Variants in NEBL observed in about 807,000 individuals in gnomAD.
NEBL encodes LIM and SH3 protein 2.
In NEBL, 122 loss-of-function variants were observed where a neutral mutation model predicts 140.2. The ratio of observed to expected loss-of-function variants is 0.87; its 90% confidence interval spans 0.75 to 1.01. The LOEUF (loss-of-function observed/expected upper bound fraction) is 1.01. Among genes scored for constraint, NEBL ranks in the 50% least tolerant of loss-of-function variants. The probability of loss-of-function intolerance (pLI) is 0.00; values close to 1 mark genes in which losing one functional copy is unlikely to be tolerated. For synonymous variants in NEBL, 436 were observed against 398.9 expected (o/e 1.09, Z -1.11); for missense variants, 1,365 against 1,231.3 (o/e 1.11, Z -1.62).
At chr10:20,942,484 C>A (rs1250816405) in intron 4 of NEBL, among the ~76,000 whole-genome samples, 1 of 152,148 alleles carries the variant, frequency 6.6e-6, no homozygotes, top group South Asian at 2.1e-4. Flanking sequence ...ACCATAAAAA[C>A]CCTAGAAGAA....
rs1031952552 is a variant in NEBL, at chr10:21,173,948, G to T, written c.-115C>A. Reference sequence around the variant, plus strand: ...GGCAGGCGGGAGGGCTGCGGGCGGCGGGCGCCGGGTAGGGAGTCGGCGCCG... The same window carrying T: ...GGCAGGCGGGAGGGCTGCGGGCGGCTGGCGCCGGGTAGGGAGTCGGCGCCG... On this transcript the variant is annotated 5_prime_UTR_variant, in exon 1 of 7. Coordinates refer to the NEBL transcript ENST00000417816. The surrounding 1 kb of genome is among the most constrained non-coding windows in gnomAD (Gnocchi z 5.7). 2.9e-6 allele frequency: 4 copies of T among 1,386,898 alleles called. No individual in the cohort carries two copies. Among genetic ancestry groups the T allele is most frequent in the Non-Finnish European group, 3.7e-6 (4 of 1,082,090 alleles). 85.9% of individuals were successfully genotyped at this position (1,386,898 alleles called of 1,614,324 possible). A position where few individuals can be genotyped will look rare whatever the true frequency, so the allele number is the denominator to read the frequency against.
At position 20,883,064 on chromosome 10, in the gene NEBL, T is replaced by C. The variant is rs76296059; in HGVS notation, c.370-2160A>G. Among the ~76,000 whole-genome samples the C allele has an allele frequency of 8.4e-3, 1,279 of 152,304 alleles. 6 individuals are homozygous for C. Among genetic ancestry groups the C allele is most frequent in the Non-Finnish European group, 0.014 (978 of 68,030 alleles). ...ACTCCTGAACACCTTACATGCTCTC[T>C]TCAGCCCAAATCCGAATTTATCAAT... is the stretch of plus-strand genomic sequence containing the variant. On this transcript the variant is annotated intron_variant, in intron 4 of 27. Coordinates refer to ENST00000377122, the MANE Select transcript of NEBL (RefSeq NM_006393.3).
rs532123526 is a variant in NEBL at position 20,926,374 on chromosome 10, C to G, written c.357+35298G>C. Among the ~76,000 whole-genome samples, 3 of 149,946 alleles carry G rather than the reference C, an allele frequency of 2.0e-5. No homozygotes were observed. The South Asian group carries it at 6.4e-4, about 32-fold the overall frequency. On this transcript the variant is annotated intron_variant, in intron 4 of 6. Transcript: ENST00000417816. ...ACTAATTTTTCTAAGAGGGCTTAAA[C>G]AAACTTGTGATTTGATTATGTGAAA...
intron 12 of NEBL, among the ~76,000 whole-genome samples, chr10:20,841,156 G>A (rs2130975238): frequency 6.6e-6 from 1 of 152,094 alleles, no homozygotes; most frequent in South Asian, 2.1e-4. Context: ...AAGAACACGT[G>A]TTCCTTATTA....
At chr10:20,807,409 A>G (rs11594954) in intron 26 of NEBL, among the ~76,000 whole-genome samples, 1 of 152,340 alleles carries the variant, frequency 6.6e-6, no homozygotes, top group Admixed American at 6.5e-5. Context: ...ATTTTTACCC[A>G]CAATAAAACA....
intron 3 of NEBL, among the ~76,000 whole-genome samples, chr10:20,984,190 A>C (rs2131670930): frequency 6.6e-6 from 1 of 152,146 alleles, no homozygotes; most frequent in Non-Finnish European, 1.5e-5. Flanking sequence ...CACCAAAAAC[A>C]CATAGTAAAA....
chr10:21,226,769 A>T (rs191462446), intron 3 of NEBL, among the ~76,000 whole-genome samples: 1 of 152,252 alleles, frequency 6.6e-6, no homozygotes, highest in Non-Finnish European at 1.5e-5. Flanking sequence ...GTGTATCAGC[A>T]ATTCAAGACT....
chr10:20,898,576 A>T (rs765127553), upstream of NEBL, among the ~76,000 whole-genome samples: 1 of 152,176 alleles, frequency 6.6e-6, no homozygotes, highest in South Asian at 2.1e-4. Flanking sequence ...TTCTGGGGGA[A>T]AAAAGCAGGT....
intron 3 of NEBL, among the ~76,000 whole-genome samples, chr10:21,013,107 A>T (rs992725818): frequency 3.9e-5 from 6 of 152,122 alleles, no homozygotes; most frequent in African/African-American, 1.4e-4. Context: ...TGGGGATCTG[A>T]CTTATGGGAA....
At position 20,876,753 on chromosome 10, in the gene NEBL, T is replaced by C. The variant is rs1194454783; in HGVS notation, c.480+4041A>G. On this transcript the variant is annotated intron_variant, in intron 5 of 27. Transcript: ENST00000377122. ...AATAGAGTTTAAAATTTGTTTGACT[T>C]ATTTCAGAACTATTGGACTTCATGT... 5.3e-5 allele frequency among the ~76,000 whole-genome samples: 8 copies of C among 152,310 alleles called. No individual in the cohort carries two copies. In the East Asian group the frequency reaches 1.5e-3, roughly 29 times the overall value.
intron 3 of NEBL, among the ~76,000 whole-genome samples, chr10:21,015,865 G>A (rs1319839064): frequency 6.6e-6 from 1 of 152,150 alleles, no homozygotes; most frequent in Non-Finnish European, 1.5e-5. Flanking sequence ...TTTAAGTTTA[G>A]GGATCACCTA....
intron 2 of NEBL, chr10:21,146,606 G>A (rs1046911134): frequency 4.2e-5 from 35 of 840,150 alleles, no homozygotes; most frequent in South Asian, 8.6e-5. Flanking sequence ...CTTAGCAACC[G>A]TTGCTTAGTA....
At chr10:21,167,603 C>A (rs1160977958) in intron 2 of NEBL, among the ~76,000 whole-genome samples, 1 of 152,112 alleles carries the variant, frequency 6.6e-6, no homozygotes, top group Non-Finnish European at 1.5e-5. Flanking sequence ...ATTTTAAGAA[C>A]CGACGTATAT....
At chr10:20,866,654 A>G (rs1316401846) in intron 7 of NEBL, among the ~76,000 whole-genome samples, 1 of 152,148 alleles carries the variant, frequency 6.6e-6, no homozygotes, top group Non-Finnish European at 1.5e-5. Context: ...TACTTCTCCC[A>G]TTAAATCCAA....
intron 1 of NEBL, among the ~76,000 whole-genome samples, chr10:21,283,406 A>G (rs1177010230): frequency 6.6e-6 from 1 of 152,110 alleles, no homozygotes; most frequent in African/African-American, 2.4e-5. Flanking sequence ...CCTGTATACA[A>G]AGTAGCCATT....
chr10:21,026,208 G>T (rs1336334067), intron 2 of NEBL, among the ~76,000 whole-genome samples: 1 of 152,096 alleles, frequency 6.6e-6, no homozygotes, highest in Non-Finnish European at 1.5e-5. Context: ...AGGACATTTG[G>T]CAATAGGCAA....
chr10:20,965,435 G>C (rs986346977), intron 3 of NEBL, among the ~76,000 whole-genome samples: 4 of 152,196 alleles, frequency 2.6e-5, no homozygotes, highest in African/African-American at 9.7e-5. Flanking sequence ...AAGCCACACA[G>C]ACTTCTTCCA....
intron 16 of NEBL, among the ~76,000 whole-genome samples, chr10:20,829,378 T>C (rs111332229): frequency 0.012 from 1,838 of 147,384 alleles, 36 homozygotes; most frequent in African/African-American, 0.043. Flanking sequence ...TAGGTGGGAA[T>C]TGAACAATGA....
intron 1 of NEBL, among the ~76,000 whole-genome samples, chr10:21,288,669 A>G (rs1319330205): frequency 2.0e-5 from 3 of 147,446 alleles, no homozygotes; most frequent in East Asian, 4.1e-4. Flanking sequence ...GCTGAGGCAG[A>G]GAATTGCTCA....
Sources: gnomAD v4.1 joint callset for allele counts (sites outside exome capture counted in the v4.1 genomes callset) on GRCh38, gnomAD v4.1.1 for gene constraint, Gnocchi (gnomAD v3.1) non-coding constraint, MANE v1.5 for transcripts, NCBI Gene and HGNC (gene_info 2026-07-23, HGNC 2026-07-21) for gene names.